The following RPS6KC1 variants were observed in gnomAD, a reference collection of about 807,000 sequenced individuals.
RPS6KC1 encodes inactive ribosomal protein S6 kinase delta-1.
In RPS6KC1, 54 loss-of-function variants were observed where a neutral mutation model predicts 103.8. That is an observed-to-expected ratio of 0.52 (90% confidence interval 0.42 to 0.65). The LOEUF is 0.65. Among genes scored for constraint, RPS6KC1 ranks in the 30% least tolerant of loss-of-function variants. RPS6KC1 has a pLI of 0.00. For missense variants in RPS6KC1, 1,151 were observed against 1,253.8 expected, an observed-to-expected ratio of 0.92 and a Z score of 1.24; for synonymous variants, 439 against 438.7, an observed-to-expected ratio of 1.00 and a Z score of -0.01.
chr1:213,366,818 T>C, the RPS6KC1 span, among the ~76,000 whole-genome samples: 1 of 152,242 alleles, frequency 6.6e-6, no homozygotes, highest in Non-Finnish European at 1.5e-5. Flanking sequence ...TCTATCTTCA[T>C]ACGGTTTTGG....
At chr1:213,231,926 C>A (rs894534949) in intron 9 of RPS6KC1, among the ~76,000 whole-genome samples, 197 bp from the exon 10 acceptor site, 4 of 152,208 alleles carry the variant, frequency 2.6e-5, no homozygotes, top group Non-Finnish European at 5.9e-5. Flanking sequence ...TGGCATCTTC[C>A]TTCTCTGGAT....
chr1:213,780,588 T>G, the RPS6KC1 span, among the ~76,000 whole-genome samples: 1 of 152,128 alleles, frequency 6.6e-6, no homozygotes, highest in Non-Finnish European at 1.5e-5. Context: ...CTATTTTGAG[T>G]TTTTGAATCC....
chr1:213,751,577 G>C, the RPS6KC1 span, among the ~76,000 whole-genome samples: 1 of 152,134 alleles, frequency 6.6e-6, no homozygotes. Context: ...GGTGGAGGCT[G>C]AGCTCTCCCA....
At chr1:213,392,729 G>A in the RPS6KC1 span, among the ~76,000 whole-genome samples, 2 of 152,340 alleles carry the variant, frequency 1.3e-5, no homozygotes, top group South Asian at 4.1e-4. Context: ...TGTGTAGTGT[G>A]CCAAGGAAAA....
chr1:213,454,193 A>G, the RPS6KC1 span, among the ~76,000 whole-genome samples: 1 of 152,088 alleles, frequency 6.6e-6, no homozygotes, highest in Non-Finnish European at 1.5e-5. Context: ...GGTCAACTCT[A>G]TCTTAGAGTC....
At chr1:213,374,685 T>C in the RPS6KC1 span, among the ~76,000 whole-genome samples, 1 of 152,150 alleles carries the variant, frequency 6.6e-6, no homozygotes, top group Admixed American at 6.5e-5. Context: ...TGGTAGAAGT[T>C]TTCCTGCCCT....
At chr1:213,716,698 G>A in the RPS6KC1 span, among the ~76,000 whole-genome samples, 209 of 151,998 alleles carry the variant, frequency 1.4e-3, 2 homozygotes, top group Admixed American at 2.0e-3. Flanking sequence ...TTTAATTTGG[G>A]TATATATATA....
At chr1:213,751,866 C>T in the RPS6KC1 span, among the ~76,000 whole-genome samples, 4 of 152,104 alleles carry the variant, frequency 2.6e-5, no homozygotes, top group East Asian at 7.7e-4. Flanking sequence ...ACTAAATGCT[C>T]AATAAGTGGT....
chr1:213,364,644 A>G, the RPS6KC1 span, among the ~76,000 whole-genome samples: 1 of 152,046 alleles, frequency 6.6e-6, no homozygotes, highest in East Asian at 1.9e-4. Flanking sequence ...GAGGGTAGAA[A>G]ATGCTGTAAC....
At chr1:213,722,511 A>T in the RPS6KC1 span, among the ~76,000 whole-genome samples, 1 of 152,110 alleles carries the variant, frequency 6.6e-6, no homozygotes, top group African/African-American at 2.4e-5. Flanking sequence ...TTACTATGGC[A>T]TCTTTTAGCC....
At chr1:213,629,706 T>C in the RPS6KC1 span, among the ~76,000 whole-genome samples, 1 of 152,234 alleles carries the variant, frequency 6.6e-6, no homozygotes, top group Non-Finnish European at 1.5e-5. Context: ...TGGCATGTTT[T>C]TGCAGTGGCT....
the RPS6KC1 span, chr1:213,821,700 A>C: frequency 6.6e-6 from 1 of 152,140 alleles, no homozygotes; most frequent in Non-Finnish European, 1.5e-5. Context: ...ACACGTCTTC[A>C]CCATCTACTT....
the RPS6KC1 span, among the ~76,000 whole-genome samples, chr1:213,800,669 G>A: frequency 1.2e-4 from 19 of 152,242 alleles, no homozygotes; most frequent in East Asian, 3.9e-4. Flanking sequence ...GAAGATCCAC[G>A]AGTCTAGAAG....
chr1:213,399,081 A>G, the RPS6KC1 span, among the ~76,000 whole-genome samples: 3 of 152,210 alleles, frequency 2.0e-5, no homozygotes, highest in Admixed American at 6.5e-5. Flanking sequence ...TTTAGCTACA[A>G]AATTATAGAG....
chr1:213,689,405 C>T, the RPS6KC1 span, among the ~76,000 whole-genome samples: 7 of 152,184 alleles, frequency 4.6e-5, no homozygotes, highest in African/African-American at 1.7e-4. Context: ...TTCCAGCTGG[C>T]TGAAAGGGCG....
At chr1:213,319,732 A>T in the RPS6KC1 span, among the ~76,000 whole-genome samples, 1 of 152,204 alleles carries the variant, frequency 6.6e-6, no homozygotes, top group Non-Finnish European at 1.5e-5. Context: ...TCTGCATCTC[A>T]CATTGGAGCT....
the RPS6KC1 span, among the ~76,000 whole-genome samples, chr1:213,826,110 C>A: frequency 6.6e-6 from 1 of 152,066 alleles, no homozygotes; most frequent in South Asian, 2.1e-4. Flanking sequence ...TTAGGGAATG[C>A]AGAAAACTAA....
chr1:213,183,683 A>T (rs2092395388), intron 8 of RPS6KC1, among the ~76,000 whole-genome samples: 1 of 152,110 alleles, frequency 6.6e-6, no homozygotes, highest in African/African-American at 2.4e-5. Flanking sequence ...ACACTAAATG[A>T]TTATATCAGA....
chr1:213,464,175 G>A, the RPS6KC1 span, among the ~76,000 whole-genome samples: 1,268 of 152,184 alleles, frequency 8.3e-3, 15 homozygotes, highest in African/African-American at 0.029. Context: ...TCCTTGTCCC[G>A]TCTCAGAACT....
Sources: allele counts gnomAD v4.1 joint callset (sites outside exome capture counted in the v4.1 genomes callset), GRCh38; gene constraint gnomAD v4.1.1; transcripts MANE v1.5; gene names NCBI Gene and HGNC (gene_info 2026-07-23, HGNC 2026-07-21).